Variants in PLGRKT observed in about 807,000 individuals in gnomAD.
PLGRKT encodes the protein plasminogen receptor with a C-terminal lysine, also known as plasminogen receptor (KT).
A neutral mutation model predicts 18.5 loss-of-function variants in PLGRKT; 22 were observed. The observed-to-expected ratio is 1.19, with a 90% CI of 0.85 to 1.70. The LOEUF is 1.70. Among genes scored for constraint, PLGRKT ranks in the 40% most tolerant of loss-of-function variants. The probability of loss-of-function intolerance (pLI) is 0.00; values close to 1 mark genes in which losing one functional copy is unlikely to be tolerated. For missense variants in PLGRKT, 235 were observed against 174.4 expected (o/e 1.35, Z -1.96); for synonymous variants, 72 against 52.8 (o/e 1.36, Z -1.58).
intron 3 of PLGRKT, among the ~76,000 whole-genome samples, chr9:5,372,083 GC>G (rs1817531925): frequency 6.9e-6 from 1 of 145,910 alleles, no homozygotes. Flanking sequence ...TTGGGTTCGA[GC>G]AATTCTCCTG....
intron 3 of PLGRKT, among the ~76,000 whole-genome samples, chr9:5,427,160 C>A (rs1818717630): frequency 6.6e-6 from 1 of 152,210 alleles, no homozygotes; most frequent in South Asian, 2.1e-4. Flanking sequence ...AAATCTCCCA[C>A]CATTCCTGCT....
chr9:5,425,534 T>C (rs1173061520), intron 3 of PLGRKT, among the ~76,000 whole-genome samples: 2 of 152,220 alleles, frequency 1.3e-5, no homozygotes, highest in Admixed American at 6.5e-5. Flanking sequence ...ATCTCCATTA[T>C]AGATTATATT....
intron 3 of PLGRKT, among the ~76,000 whole-genome samples, chr9:5,385,396 C>T (rs1817823409): frequency 6.6e-6 from 1 of 151,708 alleles, no homozygotes. Context: ...CATGGTTTCA[C>T]TGTGTTAGCC....
rs1403553000 is a variant in PLGRKT, at chr9:5,418,302, G to C, written c.81+13595C>G. 2.5e-5 allele frequency: 13 copies of C among 518,874 alleles called. 1 individual carries two copies. The South Asian group carries it at 2.7e-4, about 11-fold the overall frequency. The allele number at this position is 518,874 out of a possible 1,614,324, so 32.1% of individuals were successfully genotyped here. ...GTGTCGCCCCCTCATCTTCTCACTG[G>C]GATCTCATCACCAATGTGCTCAACC... is the stretch of plus-strand genomic sequence containing the variant. On this transcript the variant is annotated intron_variant, in intron 3 of 5. Coordinates refer to ENST00000223864, the MANE Select transcript of PLGRKT (RefSeq NM_018465.4). The surrounding 1 kb of genome is among the most constrained non-coding windows in gnomAD (Gnocchi z 4.2).
intron 3 of PLGRKT, among the ~76,000 whole-genome samples, chr9:5,411,384 C>CAAAAAA (rs78144379): frequency 4.9e-5 from 6 of 122,456 alleles, no homozygotes; most frequent in African/African-American, 6.2e-5. Flanking sequence ...GACCCTGTTT[C>CAAAAAA]AAAAAAAAAA....
chr9:5,427,997 T>C (rs998716630), intron 3 of PLGRKT, among the ~76,000 whole-genome samples: 2 of 152,142 alleles, frequency 1.3e-5, no homozygotes, highest in Non-Finnish European at 2.9e-5. Context: ...TTTGGCTGTG[T>C]CATACTCCCT....
At chr9:5,383,833 T>C (rs192253063) in intron 3 of PLGRKT, among the ~76,000 whole-genome samples, 27 of 152,330 alleles carry the variant, frequency 1.8e-4, no homozygotes, top group Admixed American at 1.7e-3. Flanking sequence ...AATGGGCCAA[T>C]GACCAGTACC....
chr9:5,416,641 G>A (rs570348299), intron 3 of PLGRKT, among the ~76,000 whole-genome samples: 2 of 151,806 alleles, frequency 1.3e-5, no homozygotes, highest in South Asian at 2.1e-4. Flanking sequence ...TAGCTTGAAG[G>A]AGGAAAACAA....
At chr9:5,406,826 C>T (rs943186732) in intron 3 of PLGRKT, among the ~76,000 whole-genome samples, 6 of 152,160 alleles carry the variant, frequency 3.9e-5, no homozygotes, top group African/African-American at 9.6e-5. Flanking sequence ...TCTCAGAATT[C>T]ACCACTATAG....
At chr9:5,427,733 T>A (rs374433422) in intron 3 of PLGRKT, among the ~76,000 whole-genome samples, 4 of 152,156 alleles carry the variant, frequency 2.6e-5, no homozygotes, top group African/African-American at 7.2e-5. Flanking sequence ...CCCAGACACT[T>A]TACATGCCCT....
chr9:5,381,912 T>G, intron 3 of PLGRKT: 1 of 985,186 alleles, frequency 1.0e-6, no homozygotes, highest in Non-Finnish European at 1.2e-6. Context: ...GACCACATCA[T>G]GAGAGGAAGA....
chr9:5,416,662 T>C (rs999233361), intron 3 of PLGRKT, among the ~76,000 whole-genome samples: 8 of 152,064 alleles, frequency 5.3e-5, no homozygotes, highest in Non-Finnish European at 1.2e-4. Context: ...AAAAAAAAGC[T>C]TTCTGATGGT....
chr9:5,398,017 G>A (rs1388573760), intron 3 of PLGRKT, among the ~76,000 whole-genome samples: 1 of 151,952 alleles, frequency 6.6e-6, no homozygotes, highest in East Asian at 1.9e-4. Context: ...GCCCACATCC[G>A]AATGGATGCA....
At chr9:5,435,073 T>G (rs945541404) in intron 2 of PLGRKT, among the ~76,000 whole-genome samples, 1 of 151,704 alleles carries the variant, frequency 6.6e-6, no homozygotes, top group Non-Finnish European at 1.5e-5. Context: ...TTAAATGGAT[T>G]AAGGGTGGTG....
intron 3 of PLGRKT, among the ~76,000 whole-genome samples, chr9:5,376,121 C>T (rs913513915): frequency 1.3e-5 from 2 of 152,098 alleles, no homozygotes; most frequent in African/African-American, 2.4e-5. Context: ...TATATAATTC[C>T]ACTTATACCT....
chr9:5,358,939 T>C (rs1212217837), intron 5 of PLGRKT, among the ~76,000 whole-genome samples: 3 of 152,258 alleles, frequency 2.0e-5, no homozygotes, highest in African/African-American at 4.8e-5. Context: ...CCAGGTTTTA[T>C]TGTCGAAGAC....
chr9:5,417,816 G>A (rs780687112), intron 3 of PLGRKT, among the ~76,000 whole-genome samples: 4 of 151,842 alleles, frequency 2.6e-5, no homozygotes, highest in African/African-American at 4.8e-5. Flanking sequence ...AAAAAAAAAC[G>A]ACTGTCCATT....
At chr9:5,412,248 T>C (rs1389535308) in intron 3 of PLGRKT, among the ~76,000 whole-genome samples, 1 of 152,032 alleles carries the variant, frequency 6.6e-6, no homozygotes, top group Non-Finnish European at 1.5e-5. Flanking sequence ...AAGGTAGCCG[T>C]CTGAAAAAGA....
chr9:5,391,999 G>A (rs571646632), intron 3 of PLGRKT, among the ~76,000 whole-genome samples: 2 of 151,868 alleles, frequency 1.3e-5, no homozygotes, highest in Non-Finnish European at 2.9e-5. Flanking sequence ...TCTGGCCTGG[G>A]CAACACTAAA....
Sources: allele counts gnomAD v4.1 joint callset (sites outside exome capture counted in the v4.1 genomes callset), GRCh38; gene constraint gnomAD v4.1.1; non-coding constraint Gnocchi (gnomAD v3.1); transcripts MANE v1.5; gene names NCBI Gene and HGNC (gene_info 2026-07-23, HGNC 2026-07-21).